Variants in UPP2 observed in about 807,000 individuals in gnomAD.
UPP2 encodes uridine phosphorylase 2.
UPP2 carries 23 observed loss-of-function variants against 26.7 expected under a neutral mutation model. The ratio of observed to expected loss-of-function variants is 0.86; its 90% CI spans 0.62 to 1.22. The LOEUF (loss-of-function observed/expected upper bound fraction) is 1.22. Among genes scored for constraint, UPP2 ranks in the 50% most tolerant of loss-of-function variants. The pLI, the probability that UPP2 is intolerant of heterozygous loss-of-function variation, is 0.00. For synonymous variants in UPP2, 127 were observed against 141.3 expected, an observed-to-expected ratio of 0.90 and a Z score of 0.72; for missense variants, 387 against 396.7, an observed-to-expected ratio of 0.98 and a Z score of 0.21.
At chr2:158,083,613 G>A (rs1245122491) in intron 3 of UPP2, among the ~76,000 whole-genome samples, 1 of 151,886 alleles carries the variant, frequency 6.6e-6, no homozygotes, top group Non-Finnish European at 1.5e-5. Flanking sequence ...TAGATGATGA[G>A]TTGATGGGTG....
chr2:158,007,021 C>CG (rs1683501976), intron 2 of UPP2, among the ~76,000 whole-genome samples: 1 of 152,320 alleles, frequency 6.6e-6, no homozygotes, highest in Non-Finnish European at 1.5e-5. Flanking sequence ...CTTTGCCTCC[C>CG]TGACTTTGAC....
At chr2:158,014,787 TAACAA>T (rs1254886129) in intron 2 of UPP2, among the ~76,000 whole-genome samples, 1 of 152,158 alleles carries the variant, frequency 6.6e-6, no homozygotes. Flanking sequence ...CTCCACCCCA[TAACAA>T]AACACCCAAA....
At chr2:158,124,071 C>G (rs1363302842) in intron 6 of UPP2, among the ~76,000 whole-genome samples, 176 bp downstream of exon 6, 1 of 152,114 alleles carries the variant, frequency 6.6e-6, no homozygotes, top group Admixed American at 6.5e-5. Context: ...GGACATTATT[C>G]TTATTATGCA....
At chr2:157,996,705 A>T (rs6437124) in intron 2 of UPP2, among the ~76,000 whole-genome samples, 26,550 of 152,050 alleles carry the variant, frequency 0.17, 3,081 homozygotes, top group East Asian at 0.4. Context: ...ACATACTTAG[A>T]TCCTTTTCTA....
Position 158,128,160 on chromosome 2 carries a change from T to C in UPP2, c.811+4265T>C, listed in dbSNP as rs542172488. The C allele has an allele frequency of 1.2e-5, 4 of 329,800 alleles. No homozygotes were observed. In the Admixed American group the frequency reaches 2.6e-4, roughly 21 times the overall value. The allele number at this position is 329,800 out of a possible 1,614,324, so 20.4% of individuals were successfully genotyped here. Reference sequence around the variant, plus strand: ...GGTTCTGCTTAAATCCTCTTCTATGTCTAGTTGTTTGCAGCACTCACAGTG... The same window carrying C: ...GGTTCTGCTTAAATCCTCTTCTATGCCTAGTTGTTTGCAGCACTCACAGTG... On this transcript the variant is annotated intron_variant, in intron 6 of 6. Coordinates refer to ENST00000005756, the MANE Select transcript of UPP2 (RefSeq NM_173355.4).
chr2:158,080,044 G>A (rs536979647), intron 3 of UPP2, among the ~76,000 whole-genome samples: 12 of 152,070 alleles, frequency 7.9e-5, no homozygotes, highest in South Asian at 4.2e-4. Context: ...TTGACTCTCC[G>A]GAATTTCCCT....
At chr2:158,104,003 A>T (rs10209610) in intron 1 of UPP2, among the ~76,000 whole-genome samples, 12,234 of 152,244 alleles carry the variant, frequency 0.08, 867 homozygotes, top group African/African-American at 0.18. Flanking sequence ...AAAAATCTAT[A>T]ACTCTAGATG....
At chr2:158,022,031 A>G (rs977080761) in intron 3 of UPP2, among the ~76,000 whole-genome samples, 1 of 149,808 alleles carries the variant, frequency 6.7e-6, no homozygotes, top group African/African-American at 2.5e-5. Flanking sequence ...CCATAAAGTC[A>G]GCAGTTTTTT....
At chr2:158,045,258 A>T (rs556194528) in intron 3 of UPP2, among the ~76,000 whole-genome samples, 1 of 152,314 alleles carries the variant, frequency 6.6e-6, no homozygotes, top group African/African-American at 2.4e-5. Context: ...TACCCTTTCT[A>T]TCTAATATGG....
intron 3 of UPP2, among the ~76,000 whole-genome samples, chr2:158,059,704 G>A (rs917980706): frequency 6.6e-6 from 1 of 152,202 alleles, no homozygotes; most frequent in African/African-American, 2.4e-5. Context: ...GAGCTCTGGA[G>A]TGTGAACACC....
intron 3 of UPP2, among the ~76,000 whole-genome samples, chr2:158,030,796 C>T (rs566399096): frequency 1.3e-5 from 2 of 152,162 alleles, no homozygotes; most frequent in African/African-American, 4.8e-5. Context: ...CAGTCATAGA[C>T]CCAAGACCTA....
chr2:158,105,561 G>A (rs369193305), intron 1 of UPP2, among the ~76,000 whole-genome samples: 2 of 152,192 alleles, frequency 1.3e-5, no homozygotes, highest in African/African-American at 4.8e-5. Flanking sequence ...GTGTCCGGCT[G>A]ATTGTTATGC....
At chr2:158,033,405 G>A (rs1683954212) in intron 3 of UPP2, among the ~76,000 whole-genome samples, 1 of 152,166 alleles carries the variant, frequency 6.6e-6, no homozygotes, top group South Asian at 2.1e-4. Flanking sequence ...AAACTGAGAT[G>A]AGACTCAGGG....
At chr2:158,087,287 G>A (rs1682832691) in intron 3 of UPP2, among the ~76,000 whole-genome samples, 1 of 151,928 alleles carries the variant, frequency 6.6e-6, no homozygotes, top group African/African-American at 2.4e-5. Flanking sequence ...AGTTTGTTTG[G>A]TCTGATATAA....
intron 3 of UPP2, among the ~76,000 whole-genome samples, 182 bp from the exon 4 acceptor site, chr2:158,117,642 A>G (rs1232052551): frequency 6.6e-6 from 1 of 151,966 alleles, no homozygotes; most frequent in African/African-American, 2.4e-5. Context: ...AGATGGACAC[A>G]TCTGTCAGCA....
chr2:158,117,286 G>A (rs1266472929), intron 3 of UPP2, among the ~76,000 whole-genome samples: 1 of 151,962 alleles, frequency 6.6e-6, no homozygotes, highest in Non-Finnish European at 1.5e-5. Context: ...TCACTTCCAT[G>A]TTCAGTTTAA....
chr2:158,115,332 A>G lies in UPP2; in HGVS notation c.339+73A>G. 4 of 1,484,456 alleles carry G rather than the reference A, an allele frequency of 2.7e-6. 1 individual carries two copies. Among genetic ancestry groups the G allele is most frequent in the Non-Finnish European group, 3.6e-6 (4 of 1,114,838 alleles). The allele number at this position is 1,484,456 out of a possible 1,614,324, so 92.0% of individuals were successfully genotyped here. A position where few individuals can be genotyped will look rare whatever the true frequency, so the allele number is the denominator to read the frequency against. On this transcript the variant is annotated intron_variant, in intron 3 of 6. Coordinates refer to ENST00000005756, the MANE Select transcript of UPP2 (RefSeq NM_173355.4). ...AAAAGTGGGAACTTTTACATGTAGG[A>G]GTTCTTTTTCCCTCCAGCTTCGCAT...
intron 3 of UPP2, among the ~76,000 whole-genome samples, chr2:158,063,820 C>T (rs941267425): frequency 7.9e-5 from 12 of 152,130 alleles, no homozygotes; most frequent in Non-Finnish European, 1.5e-4. Context: ...TTGTTCAACT[C>T]CCACTTATGA....
intron 2 of UPP2, among the ~76,000 whole-genome samples, chr2:158,012,048 C>G (rs1683587335): frequency 6.6e-6 from 1 of 152,086 alleles, no homozygotes; most frequent in South Asian, 2.1e-4. Flanking sequence ...TCTTTTTTAT[C>G]CTTTGGGTAT....
Sources: gnomAD v4.1 joint callset for allele counts (sites outside exome capture counted in the v4.1 genomes callset) on GRCh38, gnomAD v4.1.1 for gene constraint, MANE v1.5 for transcripts, NCBI Gene and HGNC (gene_info 2026-07-23, HGNC 2026-07-21) for gene names.